The following FRMD4A variants were observed in gnomAD, a reference collection of about 807,000 sequenced individuals.
FRMD4A encodes the protein FERM domain-containing protein 4A.
In FRMD4A, 29 loss-of-function variants were observed where a neutral mutation model predicts 129.1. The ratio of observed to expected loss-of-function variants is 0.22; its 90% CI spans 0.17 to 0.31. The LOEUF (loss-of-function observed/expected upper bound fraction) is 0.31. Among genes scored for constraint, FRMD4A ranks in the 10% least tolerant of loss-of-function variants. FRMD4A has a pLI of 1.00. For missense variants in FRMD4A, 1,272 were observed against 1,375.8 expected (o/e 0.92, Z 1.19); for synonymous variants, 634 against 571.6 (o/e 1.11, Z -1.56).
At chr10:13,724,101 T>C (rs545365307) in intron 12 of FRMD4A, among the ~76,000 whole-genome samples, 1 of 152,178 alleles carries the variant, frequency 6.6e-6, no homozygotes, top group African/African-American at 2.4e-5. Context: ...ATAAAAGAGA[T>C]TTGTCAGCCG....
chr10:13,867,487 C>T (rs1297832524), intron 2 of FRMD4A, among the ~76,000 whole-genome samples: 1 of 149,434 alleles, frequency 6.7e-6, no homozygotes, highest in African/African-American at 2.5e-5. Context: ...TCTTGAACTC[C>T]TGGGCTCAAG....
chr10:14,312,204 G>A (rs1196260773), intron 2 of FRMD4A, among the ~76,000 whole-genome samples: 2 of 152,130 alleles, frequency 1.3e-5, no homozygotes, highest in Admixed American at 1.3e-4. Flanking sequence ...GCCTTTGAGA[G>A]GCAGCAGATG....
chr10:14,052,092 G>T (rs887441105), intron 2 of FRMD4A, among the ~76,000 whole-genome samples: 6 of 152,166 alleles, frequency 3.9e-5, no homozygotes, highest in Non-Finnish European at 8.8e-5. Context: ...TGGAAGCAGG[G>T]ATGGCAGTGA....
chr10:14,009,150 T>C (rs1011033377), intron 2 of FRMD4A, among the ~76,000 whole-genome samples: 1 of 152,232 alleles, frequency 6.6e-6, no homozygotes, highest in Admixed American at 6.5e-5. Flanking sequence ...CACAGCCTTC[T>C]TTGATGGATG....
intron 2 of FRMD4A, among the ~76,000 whole-genome samples, chr10:14,316,524 A>AAAAGAAG (rs556192567): frequency 9.0e-5 from 12 of 132,612 alleles, no homozygotes; most frequent in Admixed American, 5.5e-4. Context: ...AAAAAAAAAA[A>AAAAGAAG]AAGAAGAAGA....
At chr10:14,134,737 G>A (rs1359751934) in intron 2 of FRMD4A, among the ~76,000 whole-genome samples, 2 of 152,124 alleles carry the variant, frequency 1.3e-5, no homozygotes, top group East Asian at 3.9e-4. Flanking sequence ...ATAAGTGGAT[G>A]GGTGAGTGGA....
intron 2 of FRMD4A, among the ~76,000 whole-genome samples, chr10:13,951,502 G>A (rs1240031899): frequency 6.6e-6 from 1 of 152,142 alleles, no homozygotes; most frequent in Non-Finnish European, 1.5e-5. Context: ...TGGAGTAGAA[G>A]GGCTGGAGAG....
At chr10:14,114,142 G>A (rs931677991) in intron 2 of FRMD4A, among the ~76,000 whole-genome samples, 5 of 152,352 alleles carry the variant, frequency 3.3e-5, no homozygotes, top group Middle Eastern at 3.4e-3. Context: ...GACTGTGTGC[G>A]CCAGCAAAAG....
chr10:13,802,631 G>T (rs564552041), intron 4 of FRMD4A, among the ~76,000 whole-genome samples: 10 of 151,844 alleles, frequency 6.6e-5, no homozygotes, highest in African/African-American at 9.7e-5. Context: ...AAAAAAAAAG[G>T]TTTTTTTTGT....
chr10:14,147,172 T>TC, intron 2 of FRMD4A, among the ~76,000 whole-genome samples: 1 of 152,310 alleles, frequency 6.6e-6, no homozygotes, highest in Non-Finnish European at 1.5e-5. Context: ...TATGCCAACC[T>TC]GCAGTAGAAG....
intron 6 of FRMD4A, among the ~76,000 whole-genome samples, chr10:13,777,344 A>AAAATTTTAAAAT (rs1554891991): frequency 6.6e-6 from 1 of 151,732 alleles, no homozygotes; most frequent in Non-Finnish European, 1.5e-5. Context: ...GTATATATAA[A>AAAATTTTAAAAT]AAATTTAAAT....
chr10:13,670,631 G>A (rs781490649), intron 16 of FRMD4A, 103 bp from the exon 17 acceptor site: 15 of 1,154,154 alleles, frequency 1.3e-5, no homozygotes, highest in South Asian at 2.7e-5. Context: ...AAAAATGCAC[G>A]CATGCACTTC....
rs545227528 is a variant in FRMD4A at position 14,049,462 on chromosome 10, T to C, written c.46-190550A>G. ...TTTTAAAAACTGGAATTCCCCACAG[T>C]TTGGGTTTCAGTGTATTAGGAAAGA... On this transcript the variant is annotated intron_variant, in intron 2 of 24. Transcript: ENST00000357447. 3.4e-4 allele frequency among the ~76,000 whole-genome samples: 51 copies of C among 152,166 alleles called. 1 individual carries two copies. The highest frequency in any genetic ancestry group is 2.4e-4 in the Non-Finnish European group (16 of 68,032).
At chr10:13,924,097 A>C (rs1019831642) in intron 2 of FRMD4A, among the ~76,000 whole-genome samples, 2 of 152,224 alleles carry the variant, frequency 1.3e-5, no homozygotes, top group Non-Finnish European at 2.9e-5. Flanking sequence ...AAGATCTTGA[A>C]GCTGTTATTC....
chr10:13,993,399 G>C (rs1400945345), intron 2 of FRMD4A, among the ~76,000 whole-genome samples: 1 of 152,180 alleles, frequency 6.6e-6, no homozygotes, highest in Non-Finnish European at 1.5e-5. Context: ...AGATGATTTA[G>C]AACTGAAAGG....
intron 12 of FRMD4A, among the ~76,000 whole-genome samples, chr10:13,729,010 C>T (rs915145273): frequency 3.9e-5 from 6 of 152,162 alleles, no homozygotes; most frequent in Non-Finnish European, 5.9e-5. Context: ...GAATATGATT[C>T]CTTTTGTCCT....
chr10:13,878,740 G>A (rs370623832), intron 2 of FRMD4A, among the ~76,000 whole-genome samples: 137 of 151,082 alleles, frequency 9.1e-4, no homozygotes, highest in Middle Eastern at 3.4e-3. Context: ...GCGACACAGC[G>A]AGACTCCATC....
intron 21 of FRMD4A, 67 bp from the exon 22 acceptor site, chr10:13,657,589 G>C: frequency 6.8e-7 from 1 of 1,460,370 alleles, no homozygotes; most frequent in South Asian, 1.4e-5. Flanking sequence ...GCTCCGGGGA[G>C]GAGGGGGTCC....
intron 2 of FRMD4A, among the ~76,000 whole-genome samples, chr10:13,931,624 T>C (rs1188595891): frequency 6.6e-6 from 1 of 152,042 alleles, no homozygotes; most frequent in Non-Finnish European, 1.5e-5. Context: ...GTAACTGCCT[T>C]TTCTTGAGGG....
Sources: gnomAD v4.1 joint callset for allele counts (sites outside exome capture counted in the v4.1 genomes callset) on GRCh38, gnomAD v4.1.1 for gene constraint, MANE v1.5 for transcripts, NCBI Gene and HGNC (gene_info 2026-07-23, HGNC 2026-07-21) for gene names.